Variants in SLIT3 observed in about 807,000 individuals in gnomAD.
SLIT3 encodes the protein slit homolog 3 protein.
In SLIT3, 68 loss-of-function variants were observed where a neutral mutation model predicts 184.0. That is an observed-to-expected ratio of 0.37 (90% CI 0.30 to 0.45). SLIT3 has a LOEUF of 0.45. SLIT3 is among the 20% of genes least tolerant of loss of function. The pLI is 1.00. For missense variants in SLIT3, 1,707 were observed against 2,026.0 expected, an observed-to-expected ratio of 0.84 and a Z score of 3.02; for synonymous variants, 831 against 828.6, an observed-to-expected ratio of 1.00 and a Z score of -0.05.
At chr5:168,693,562 G>A (rs551678251) in intron 28 of SLIT3, among the ~76,000 whole-genome samples, 24 of 152,278 alleles carry the variant, frequency 1.6e-4, no homozygotes, top group African/African-American at 5.1e-4. Flanking sequence ...TTTAAGATCC[G>A]AGTTTTGGGT....
intron 23 of SLIT3, among the ~76,000 whole-genome samples, chr5:168,714,412 T>C (rs746241539): frequency 6.6e-6 from 1 of 152,110 alleles, no homozygotes; most frequent in Admixed American, 6.6e-5. Context: ...TCAGGCTCCA[T>C]TCTCTACTAA....
chr5:169,238,742 T>C (rs976352278), intron 3 of SLIT3, among the ~76,000 whole-genome samples: 32 of 152,154 alleles, frequency 2.1e-4, no homozygotes, highest in African/African-American at 7.5e-4. Context: ...TTCTTACCAA[T>C]GTTAGACCTT....
At chr5:168,690,464 C>T (rs963791760) in intron 29 of SLIT3, among the ~76,000 whole-genome samples, 10 of 152,210 alleles carry the variant, frequency 6.6e-5, no homozygotes, top group Non-Finnish European at 1.3e-4. Flanking sequence ...CATTCCCTGC[C>T]CCTTCCCGGG....
chr5:168,845,022 A>G (rs143773034), intron 5 of SLIT3, among the ~76,000 whole-genome samples: 246 of 150,194 alleles, frequency 1.6e-3, no homozygotes, highest in Non-Finnish European at 3.0e-3. Flanking sequence ...CCTGTAAATC[A>G]TTGGAGGTCA....
chr5:169,211,991 C>T lies in SLIT3; in HGVS notation c.342-18441G>A, dbSNP rs10053720. Among the ~76,000 whole-genome samples, 622 of 151,828 alleles carry T rather than the reference C, an allele frequency of 4.1e-3. 4 individuals are homozygous for T. The highest frequency in any genetic ancestry group is 0.02 in the Middle Eastern group (6 of 294). On this transcript the variant is annotated intron_variant, in intron 3 of 35. Coordinates refer to ENST00000519560, the MANE Select transcript of SLIT3 (RefSeq NM_003062.4). ...CCTTTTTTATGGCTGCATAGTATTC[C>T]ATGGTGTATTTTCTTTATCCAGTGT...
intron 23 of SLIT3, among the ~76,000 whole-genome samples, chr5:168,713,272 C>T (rs1485627554): frequency 6.6e-6 from 1 of 152,216 alleles, no homozygotes; most frequent in Admixed American, 6.5e-5. Flanking sequence ...TGCCTCTCTC[C>T]ACCCTGTGGT....
intron 4 of SLIT3, among the ~76,000 whole-genome samples, chr5:168,957,773 T>G (rs6884906): frequency 0.15 from 9,277 of 62,046 alleles, 656 homozygotes; most frequent in African/African-American, 0.44. Context: ...GTGTATGTGT[T>G]GGGGGCGGGA....
At chr5:168,761,769 C>G (rs1006947030) in intron 15 of SLIT3, among the ~76,000 whole-genome samples, 2 of 151,974 alleles carry the variant, frequency 1.3e-5, no homozygotes, top group Non-Finnish European at 2.9e-5. Flanking sequence ...TACCGGGTCT[C>G]ACTCTGTGGC....
At chr5:168,854,589 G>A (rs1758790757) in intron 5 of SLIT3, among the ~76,000 whole-genome samples, 1 of 152,228 alleles carries the variant, frequency 6.6e-6, no homozygotes, top group Non-Finnish European at 1.5e-5. Flanking sequence ...ACAGCATAGT[G>A]CTCTCTTGGG....
intron 3 of SLIT3, among the ~76,000 whole-genome samples, chr5:169,194,500 T>A (rs571744227): frequency 1.1e-4 from 17 of 151,714 alleles, no homozygotes; most frequent in Admixed American, 2.6e-4. Context: ...CTACATCAAA[T>A]TTTTTTTTAA....
intron 4 of SLIT3, among the ~76,000 whole-genome samples, chr5:169,093,826 G>C (rs80056788): frequency 0.02 from 2,971 of 152,270 alleles, 48 homozygotes; most frequent in Non-Finnish European, 0.027. Context: ...ATGATCAAGT[G>C]TGATCTTATA....
Position 168,806,603 on chromosome 5 carries a change from A to G in SLIT3, c.794-16T>C, listed in dbSNP as rs979722222. The G allele has an allele frequency of 1.2e-6, 2 of 1,613,812 alleles. No homozygotes were observed. The highest frequency in any genetic ancestry group is 1.7e-6 in the Non-Finnish European group (2 of 1,179,896). The stretch of plus-strand genomic sequence containing the variant: ...GAGTGGGGGGCTGTGGAGCCAAGAC[A>G]CAACGGTCAACTTATGTCAGTGTCA... On this transcript the variant is annotated splice_polypyrimidine_tract_variant and intron_variant, in intron 8 of 35. Coordinates refer to ENST00000519560, the MANE Select transcript of SLIT3 (RefSeq NM_003062.4).
chr5:168,785,884 A>G (rs751405945), intron 12 of SLIT3, 23 bp downstream of exon 12: 3 of 1,579,020 alleles, frequency 1.9e-6, no homozygotes, highest in East Asian at 2.2e-5. Flanking sequence ...AAAGACACCA[A>G]CAGTGACAAA....
intron 6 of SLIT3, among the ~76,000 whole-genome samples, chr5:168,838,617 G>T (rs562384606): frequency 1.3e-5 from 2 of 152,262 alleles, no homozygotes; most frequent in Non-Finnish European, 2.9e-5. Flanking sequence ...TCTGAAGTGG[G>T]CAACATCGTG....
At chr5:168,745,677 G>T (rs923722707) in intron 20 of SLIT3, among the ~76,000 whole-genome samples, 6 of 152,220 alleles carry the variant, frequency 3.9e-5, no homozygotes, top group African/African-American at 1.4e-4. Context: ...CTCCCAAAGT[G>T]CTGGGATTAC....
chr5:169,158,049 A>G (rs1221562327), intron 4 of SLIT3, among the ~76,000 whole-genome samples: 2 of 152,096 alleles, frequency 1.3e-5, no homozygotes, highest in African/African-American at 2.4e-5. Flanking sequence ...GATGGGGCTT[A>G]AAAAATACAT....
intron 1 of SLIT3, among the ~76,000 whole-genome samples, chr5:169,276,424 C>A (rs1271122845): frequency 6.6e-6 from 1 of 152,172 alleles, no homozygotes; most frequent in African/African-American, 2.4e-5. Flanking sequence ...AGTCCATTAC[C>A]AATTTGGACT....
intron 4 of SLIT3, among the ~76,000 whole-genome samples, chr5:168,951,081 A>G (rs944685866): frequency 6.6e-6 from 1 of 152,188 alleles, no homozygotes; most frequent in Non-Finnish European, 1.5e-5. Flanking sequence ...TTAGCCAGGC[A>G]TGGTGACAGC....
chr5:168,718,576 G>A (rs1203837826), intron 23 of SLIT3, among the ~76,000 whole-genome samples: 1 of 151,830 alleles, frequency 6.6e-6, no homozygotes, highest in East Asian at 1.9e-4. Context: ...TTTCAGATTC[G>A]GAGCCAAGTA....
Sources: gnomAD v4.1 joint callset for allele counts (sites outside exome capture counted in the v4.1 genomes callset) on GRCh38, gnomAD v4.1.1 for gene constraint, MANE v1.5 for transcripts, NCBI Gene and HGNC (gene_info 2026-07-23, HGNC 2026-07-21) for gene names.